Variants in DSCAM observed in about 807,000 individuals in gnomAD.
The protein encoded by DSCAM is cell adhesion molecule DSCAM.
A neutral mutation model predicts 217.7 loss-of-function variants in DSCAM; 47 were observed. The ratio of observed to expected loss-of-function variants is 0.22; its 90% confidence interval spans 0.17 to 0.28. The LOEUF (loss-of-function observed/expected upper bound fraction) is 0.28, where lower values mean the gene tolerates loss of function less well. Ranked by LOEUF, DSCAM falls within the 10% of genes least tolerant of loss-of-function variation. The pLI, the probability that DSCAM is intolerant of heterozygous loss-of-function variation, is 1.00. For synonymous variants in DSCAM, 1,056 were observed against 1,015.3 expected (o/e 1.04, Z -0.76); for missense variants, 2,080 against 2,618.3 (o/e 0.79, Z 4.49).
At chr21:40,492,476 G>T (rs9977267) in intron 3 of DSCAM, among the ~76,000 whole-genome samples, 74,355 of 151,746 alleles carry the variant, frequency 0.49, 18,609 homozygotes, top group African/African-American at 0.59. Flanking sequence ...AAAAAATACA[G>T]AGAAACAATT....
At chr21:40,146,278 C>CGG (rs2090356417) in intron 16 of DSCAM, among the ~76,000 whole-genome samples, 1 of 74,796 alleles carries the variant, frequency 1.3e-5, no homozygotes, top group Non-Finnish European at 3.2e-5. Flanking sequence ...GGGGAGGTGG[C>CGG]GGGGCACGGC....
At chr21:40,318,758 G>T (rs2074228312) in intron 8 of DSCAM, among the ~76,000 whole-genome samples, 1 of 152,128 alleles carries the variant, frequency 6.6e-6, no homozygotes, top group African/African-American at 2.4e-5. Flanking sequence ...GAGCCGGTGG[G>T]TGCTAAAAGA....
At chr21:40,024,544 G>C (rs202102721) in intron 32 of DSCAM, among the ~76,000 whole-genome samples, 743 of 56,852 alleles carry the variant, frequency 0.013, 160 homozygotes, top group East Asian at 0.051. Flanking sequence ...CTTTTATTTC[G>C]TTGAGCAGTG....
At chr21:40,650,942 A>C (rs1266771868) in intron 3 of DSCAM, among the ~76,000 whole-genome samples, 1 of 152,166 alleles carries the variant, frequency 6.6e-6, no homozygotes, top group Non-Finnish European at 1.5e-5. Flanking sequence ...GGAAAGGTGG[A>C]GCCTGGAGAG....
At chr21:40,718,071 A>C (rs2090861389) in intron 1 of DSCAM, among the ~76,000 whole-genome samples, 1 of 152,204 alleles carries the variant, frequency 6.6e-6, no homozygotes, top group Non-Finnish European at 1.5e-5. Flanking sequence ...GAGCAAAAAG[A>C]GTGAAGAAAA....
intron 14 of DSCAM, 90 bp from the exon 15 acceptor site, chr21:40,179,184 CAAAAAAA>C (rs11286508): frequency 6.7e-4 from 69 of 102,622 alleles, no homozygotes; most frequent in South Asian, 2.1e-3. Flanking sequence ...AATTAAAAAC[CAAAAAAA>C]AAAAAAAAAA....
chr21:40,571,412 T>A (rs1468795217), intron 3 of DSCAM, among the ~76,000 whole-genome samples: 4 of 152,186 alleles, frequency 2.6e-5, no homozygotes, highest in Non-Finnish European at 5.9e-5. Context: ...ATCACATGTA[T>A]CCTGAAGATA....
At chr21:40,417,703 G>T (rs1344394351) in intron 3 of DSCAM, among the ~76,000 whole-genome samples, 2 of 152,004 alleles carry the variant, frequency 1.3e-5, no homozygotes, top group Non-Finnish European at 2.9e-5. Flanking sequence ...ATTTAATTCA[G>T]TTTAACTTAG....
chr21:40,608,890 G>A (rs2089277299), intron 3 of DSCAM, among the ~76,000 whole-genome samples: 1 of 152,012 alleles, frequency 6.6e-6, no homozygotes, highest in African/African-American at 2.4e-5. Flanking sequence ...TTTCACCCTG[G>A]GTAATTTGCA....
intron 1 of DSCAM, among the ~76,000 whole-genome samples, chr21:40,730,049 C>A (rs574299049): frequency 2.6e-5 from 4 of 152,160 alleles, no homozygotes; most frequent in African/African-American, 9.7e-5. Flanking sequence ...CATTAATAAT[C>A]CCAGAACCTA....
intron 3 of DSCAM, among the ~76,000 whole-genome samples, chr21:40,547,574 T>C (rs969866660): frequency 3.9e-5 from 6 of 151,954 alleles, no homozygotes; most frequent in Non-Finnish European, 5.9e-5. Context: ...GAACGCAAAG[T>C]AGGTTTTAGG....
At chr21:40,438,166 T>C (rs982137030) in intron 3 of DSCAM, among the ~76,000 whole-genome samples, 3 of 152,194 alleles carry the variant, frequency 2.0e-5, no homozygotes, top group East Asian at 1.9e-4. Context: ...CCACTTGTCA[T>C]TGAGCTTAAA....
intron 30 of DSCAM, among the ~76,000 whole-genome samples, chr21:40,045,768 C>A (rs76365108): frequency 0.021 from 3,204 of 152,276 alleles, 45 homozygotes; most frequent in Non-Finnish European, 0.031. Context: ...CACTGTTGGG[C>A]TCTCACGAAG....
intron 3 of DSCAM, among the ~76,000 whole-genome samples, chr21:40,566,782 A>C (rs2076768057): frequency 6.6e-6 from 1 of 152,098 alleles, no homozygotes; most frequent in Admixed American, 6.6e-5. Flanking sequence ...TCCTCCACTC[A>C]TGTATTCATG....
At chr21:40,618,673 A>G (rs1231688253) in intron 3 of DSCAM, 1 of 152,060 alleles carries the variant, frequency 6.6e-6, no homozygotes, top group Admixed American at 6.5e-5. Context: ...GAAAAAAAAA[A>G]AAGTGGAGAA....
In DSCAM at chr21:40,201,601, C is replaced by T. The variant is rs185169036; in HGVS notation, c.2357-12363G>A. Among the ~76,000 whole-genome samples, 23 of 152,196 alleles carry T rather than the reference C, an allele frequency of 1.5e-4. No individual in the cohort carries two copies. In the East Asian group the frequency reaches 4.1e-3, roughly 27 times the overall value. On this transcript the variant is annotated intron_variant, in intron 11 of 32. Transcript: ENST00000400454. Reference sequence around the variant, plus strand: ...GGATTACAGGCATGCTCCACCATGCCTGGCTGATTTTGTATTTTTAGTAGA... The same window carrying T: ...GGATTACAGGCATGCTCCACCATGCTTGGCTGATTTTGTATTTTTAGTAGA...
At chr21:40,524,431 G>T (rs78879377) in intron 3 of DSCAM, among the ~76,000 whole-genome samples, 3,179 of 151,826 alleles carry the variant, frequency 0.021, 58 homozygotes, top group Non-Finnish European at 0.03. Flanking sequence ...TCCTTAAAAG[G>T]TTGAATAGAA....
chr21:40,686,493 T>C lies in DSCAM; in HGVS notation c.508+6317A>G, dbSNP rs540419059. ...TACACACACCCCTCCTGATATCCTC[T>C]GGGCTAAATTTGCCCCAATGCTTTC... On this transcript the variant is annotated intron_variant, in intron 3 of 32. Coordinates refer to ENST00000400454, the MANE Select transcript of DSCAM (RefSeq NM_001389.5). Among the ~76,000 whole-genome samples the C allele has an allele frequency of 2.0e-5, 3 of 152,308 alleles. No homozygotes were observed. In the East Asian group the frequency reaches 5.8e-4, roughly 29 times the overall value.
chr21:40,400,085 C>T (rs1399706799), intron 3 of DSCAM, among the ~76,000 whole-genome samples: 2 of 152,176 alleles, frequency 1.3e-5, no homozygotes, highest in African/African-American at 4.8e-5. Flanking sequence ...CTCAACCTTT[C>T]TCCCTGTTCC....
Sources: gnomAD v4.1 joint callset for allele counts (sites outside exome capture counted in the v4.1 genomes callset) on GRCh38, gnomAD v4.1.1 for gene constraint, MANE v1.5 for transcripts, NCBI Gene and HGNC (gene_info 2026-07-23, HGNC 2026-07-21) for gene names.